The following LRP1B variants were observed in gnomAD, a reference collection of about 807,000 sequenced individuals.
LRP1B encodes LDL receptor related protein 1B.
In LRP1B, 217 loss-of-function variants were observed where a neutral mutation model predicts 556.6. That is an observed-to-expected ratio of 0.39 (90% CI 0.35 to 0.44). LRP1B has a LOEUF of 0.44. Among genes scored for constraint, LRP1B ranks in the 20% least tolerant of loss-of-function variants. The pLI, the probability that LRP1B is intolerant of heterozygous loss-of-function variation, is 1.00. For missense variants in LRP1B, 5,053 were observed against 5,620.8 expected, an observed-to-expected ratio of 0.90 and a Z score of 3.23; for synonymous variants, 2,047 against 1,865.8, an observed-to-expected ratio of 1.10 and a Z score of -2.50.
At chr2:141,406,409 A>G (rs994704613) in intron 3 of LRP1B, among the ~76,000 whole-genome samples, 1 of 152,074 alleles carries the variant, frequency 6.6e-6, no homozygotes, top group African/African-American at 2.4e-5. Flanking sequence ...TCAGGCAAGG[A>G]ACATAAGGTC....
At chr2:141,361,140 T>C (rs1012497470) in intron 3 of LRP1B, among the ~76,000 whole-genome samples, 5 of 152,232 alleles carry the variant, frequency 3.3e-5, no homozygotes, top group Admixed American at 2.6e-4. Flanking sequence ...CCAAACTATA[T>C]GAAAGTTTCA....
At chr2:141,881,130 G>C (rs1314275038) in intron 1 of LRP1B, among the ~76,000 whole-genome samples, 1 of 151,928 alleles carries the variant, frequency 6.6e-6, no homozygotes, top group Non-Finnish European at 1.5e-5. Context: ...ATGAAGCATA[G>C]AAAATTAAAT....
intron 2 of LRP1B, among the ~76,000 whole-genome samples, chr2:141,619,017 C>T (rs962041673): frequency 3.9e-5 from 6 of 152,306 alleles, no homozygotes; most frequent in African/African-American, 1.4e-4. Context: ...ATTTTATCTG[C>T]TATGATCTCC....
intron 3 of LRP1B, among the ~76,000 whole-genome samples, chr2:141,339,255 T>A (rs997659824): frequency 6.6e-6 from 1 of 151,454 alleles, no homozygotes; most frequent in Non-Finnish European, 1.5e-5. Flanking sequence ...AGGGCAGGAA[T>A]CTTGCTTCTT....
At chr2:141,857,484 G>A (rs1698096301) in intron 1 of LRP1B, among the ~76,000 whole-genome samples, 1 of 151,494 alleles carries the variant, frequency 6.6e-6, no homozygotes, top group African/African-American at 2.4e-5. Flanking sequence ...GGGACTATAG[G>A]TGTATGCCCA....
chr2:141,233,493 A>T lies in LRP1B; in HGVS notation c.593-4053T>A, dbSNP rs979246831. ...TTCATTAGTGTCACAACCTTTGAAG[A>T]CTGATTCTAAAATTGTGAATTGAAA... On this transcript the variant is annotated intron_variant, in intron 5 of 90. Coordinates refer to ENST00000389484, the MANE Select transcript of LRP1B (RefSeq NM_018557.3). 3.3e-5 allele frequency among the ~76,000 whole-genome samples: 5 copies of T among 152,278 alleles called. No individual in the cohort carries two copies. The East Asian group carries it at 9.6e-4, about 29-fold the overall frequency.
At chr2:141,784,505 C>T (rs1054166429) in intron 2 of LRP1B, among the ~76,000 whole-genome samples, 9 of 151,858 alleles carry the variant, frequency 5.9e-5, no homozygotes, top group African/African-American at 2.2e-4. Flanking sequence ...TAACCAATAA[C>T]ATTTCCATAT....
intron 20 of LRP1B, among the ~76,000 whole-genome samples, chr2:140,927,786 A>C (rs1342372569): frequency 6.8e-6 from 1 of 147,842 alleles, no homozygotes; most frequent in Non-Finnish European, 1.5e-5. Context: ...GGCTCACTGC[A>C]ACCTCTGCCT....
At chr2:141,757,931 A>G (rs1694382389) in intron 2 of LRP1B, among the ~76,000 whole-genome samples, 1 of 152,224 alleles carries the variant, frequency 6.6e-6, no homozygotes, top group Admixed American at 6.5e-5. Flanking sequence ...TACAGCAGAA[A>G]TAACAATGGT....
intron 74 of LRP1B, among the ~76,000 whole-genome samples, chr2:140,356,776 A>G (rs1334446511): frequency 1.3e-5 from 2 of 151,794 alleles, no homozygotes; most frequent in African/African-American, 4.8e-5. Flanking sequence ...TTCTAATGAC[A>G]GGCTATCTTT....
chr2:140,316,068 A>G (rs2105039277), intron 82 of LRP1B, among the ~76,000 whole-genome samples: 1 of 152,278 alleles, frequency 6.6e-6, no homozygotes, highest in South Asian at 2.1e-4. Flanking sequence ...AGTATAATTT[A>G]TGATAAAGAT....
At chr2:141,586,259 A>C (rs1300671688) in intron 2 of LRP1B, among the ~76,000 whole-genome samples, 1 of 152,236 alleles carries the variant, frequency 6.6e-6, no homozygotes, top group African/African-American at 2.4e-5. Flanking sequence ...AAATATAAAA[A>C]GCCTTTAAAA....
chr2:140,554,825 G>T (rs142866511), intron 43 of LRP1B, among the ~76,000 whole-genome samples: 32 of 150,076 alleles, frequency 2.1e-4, no homozygotes, highest in African/African-American at 6.1e-4. Flanking sequence ...TATTTCTTCT[G>T]CTGCTGCTGC....
intron 41 of LRP1B, among the ~76,000 whole-genome samples, chr2:140,638,746 C>T (rs770243165): frequency 4.6e-5 from 7 of 150,764 alleles, no homozygotes; most frequent in South Asian, 2.1e-4. Flanking sequence ...TATGTATTTG[C>T]ATATATAAGT....
intron 35 of LRP1B, among the ~76,000 whole-genome samples, chr2:140,721,408 G>A (rs942194135): frequency 9.9e-5 from 15 of 151,744 alleles, no homozygotes; most frequent in African/African-American, 3.1e-4. Context: ...GATCCTGCCT[G>A]TTGACATTTA....
chr2:140,986,111 G>GT (rs1558783125), intron 17 of LRP1B, among the ~76,000 whole-genome samples: 3 of 63,362 alleles, frequency 4.7e-5, no homozygotes, highest in African/African-American at 2.2e-4. Flanking sequence ...TCAATTTAGT[G>GT]GTTTTTTTTT....
Position 140,291,641 on chromosome 2 carries a change from C to T in LRP1B, c.12967+6167G>A, listed in dbSNP as rs1683394148. Among the ~76,000 whole-genome samples, 2 of 151,964 alleles carry T rather than the reference C, an allele frequency of 1.3e-5. 1 individual carries two copies. Among genetic ancestry groups the T allele is most frequent in the South Asian group, 4.2e-4 (2 of 4,818 alleles). On this transcript the variant is annotated intron_variant, in intron 84 of 90. Coordinates refer to ENST00000389484, the MANE Select transcript of LRP1B (RefSeq NM_018557.3). Reference sequence around the variant, plus strand: ...CATGTCCGTACAAAGGACATGAACTCATCCTTTCTATGGCTGCATAGTATT... The same window carrying T: ...CATGTCCGTACAAAGGACATGAACTTATCCTTTCTATGGCTGCATAGTATT...
At chr2:140,565,764 C>T (rs1681101581) in intron 43 of LRP1B, among the ~76,000 whole-genome samples, 1 of 152,154 alleles carries the variant, frequency 6.6e-6, no homozygotes, top group Non-Finnish European at 1.5e-5. Context: ...AGGATAGCCA[C>T]ACAGAAAACT....
intron 7 of LRP1B, among the ~76,000 whole-genome samples, chr2:141,169,934 G>A (rs187734012): frequency 7.2e-4 from 109 of 151,666 alleles, no homozygotes; most frequent in African/African-American, 2.5e-3. Flanking sequence ...TATACAGTTT[G>A]TAAATATGCC....
Sources: allele counts gnomAD v4.1 joint callset (sites outside exome capture counted in the v4.1 genomes callset), GRCh38; gene constraint gnomAD v4.1.1; transcripts MANE v1.5; gene names NCBI Gene and HGNC (gene_info 2026-07-23, HGNC 2026-07-21).